ME3: variants seen among roughly 807,000 people sequenced by gnomAD.
The protein encoded by ME3 is NADP-dependent malic enzyme, mitochondrial.
In ME3, 48 loss-of-function variants were observed where a neutral mutation model predicts 68.9. The observed-to-expected ratio is 0.70, with a 90% CI of 0.55 to 0.89. ME3 has a LOEUF of 0.89. Ranked by LOEUF, ME3 falls within the 40% of genes least tolerant of loss-of-function variation. ME3 has a pLI of 0.00. For missense variants in ME3, 675 were observed against 797.4 expected (o/e 0.85, Z 1.85); for synonymous variants, 320 against 318.8 (o/e 1.00, Z -0.04).
intron 14 of ME3, 140 bp downstream of exon 14, chr11:86,442,681 C>T (rs1949066356): frequency 1.6e-6 from 1 of 635,666 alleles, no homozygotes; most frequent in Non-Finnish European, 2.6e-6. Context: ...GTTTGTCACC[C>T]AGCCTCTGGG....
At chr11:86,498,225 A>G (rs972909404) in intron 5 of ME3, 101 bp from the exon 6 acceptor site, 7 of 1,386,096 alleles carry the variant, frequency 5.1e-6, no homozygotes, top group Non-Finnish European at 6.8e-6. Context: ...CTGGATGCCC[A>G]CTGACTTTGC....
intron 10 of ME3, among the ~76,000 whole-genome samples, chr11:86,449,307 A>G (rs1350446896): frequency 1.3e-5 from 2 of 152,222 alleles, no homozygotes; most frequent in Admixed American, 1.3e-4. Flanking sequence ...TCTCTCATTC[A>G]TGCTTTCATT....
At chr11:86,484,782 A>G (rs1200581628) in intron 7 of ME3, among the ~76,000 whole-genome samples, 2 of 152,206 alleles carry the variant, frequency 1.3e-5, no homozygotes, top group Non-Finnish European at 2.9e-5. Context: ...TTGTAGAAAG[A>G]GTCTGTACTT....
intron 2 of ME3, among the ~76,000 whole-genome samples, chr11:86,570,260 A>C (rs1332793369): frequency 6.6e-6 from 1 of 152,224 alleles, no homozygotes. Context: ...CCGTGGCAGC[A>C]TAGAGGGTAG....
chr11:86,450,228 C>T, intron 9 of ME3, 73 bp downstream of exon 9: 1 of 1,420,764 alleles, frequency 7.0e-7, no homozygotes, highest in Admixed American at 1.7e-5. Context: ...AGAATGCCTC[C>T]CTTTTTTGGT....
At chr11:86,436,773 T>G (rs1320851586), downstream of ME3, 2 of 152,216 alleles carry the variant, frequency 1.3e-5, no homozygotes, top group Non-Finnish European at 1.5e-5. Flanking sequence ...TCAGCACAAT[T>G]TGTTCAAAAG....
chr11:86,450,107 T>C, intron 9 of ME3, 105 bp from the exon 10 acceptor site: 1 of 995,624 alleles, frequency 1.0e-6, no homozygotes, highest in Non-Finnish European at 1.5e-6. Flanking sequence ...CCCACCTCAA[T>C]GACTCCCAGG....
intron 2 of ME3, among the ~76,000 whole-genome samples, chr11:86,659,990 C>T (rs1946173972): frequency 6.6e-6 from 1 of 152,092 alleles, no homozygotes; most frequent in Admixed American, 6.6e-5. Context: ...CTGATGATAT[C>T]CACTATCTTC....
intron 4 of ME3, among the ~76,000 whole-genome samples, chr11:86,509,400 ACAC>A (rs1565878475): frequency 9.9e-5 from 1 of 10,078 alleles, no homozygotes; most frequent in Non-Finnish European, 2.7e-4. Flanking sequence ...CTCCATCATC[ACAC>A]ACACACACAC....
At chr11:86,449,684 C>G (rs1949526835) in intron 10 of ME3, among the ~76,000 whole-genome samples, 1 of 152,160 alleles carries the variant, frequency 6.6e-6, no homozygotes, top group Non-Finnish European at 1.5e-5. Flanking sequence ...CTAGAAGGGG[C>G]ACACATCTAC....
At chr11:86,614,681 CAT>C (rs1942832451) in intron 2 of ME3, among the ~76,000 whole-genome samples, 4 of 152,180 alleles carry the variant, frequency 2.6e-5, no homozygotes, top group Middle Eastern at 3.4e-3. Context: ...GATTTTTTTT[CAT>C]AGTCTCTCAA....
intron 2 of ME3, among the ~76,000 whole-genome samples, chr11:86,598,409 C>T (rs1959938736): frequency 6.6e-6 from 1 of 152,240 alleles, no homozygotes; most frequent in Non-Finnish European, 1.5e-5. Flanking sequence ...GGGCACCCGC[C>T]ATTGCCCAGA....
rs190203440 is a variant in ME3, at chr11:86,447,679, G to A, written c.1237+471C>T. Among the ~76,000 whole-genome samples, 381 of 152,116 alleles carry A rather than the reference G, an allele frequency of 2.5e-3. 2 individuals are homozygous for A. Among genetic ancestry groups the A allele is most frequent in the African/African-American group, 8.9e-3 (370 of 41,488 alleles). On this transcript the variant is annotated intron_variant, in intron 11 of 14. Coordinates refer to ENST00000543262, the Ensembl canonical transcript of ME3. ...TTGAGACCAGCCTGGCCAAAATGGCGAAAACCTGTCTCTACTAAAAATACA... is the reference window on the plus strand; with the variant it reads ...TTGAGACCAGCCTGGCCAAAATGGCAAAAACCTGTCTCTACTAAAAATACA...
intron 7 of ME3, among the ~76,000 whole-genome samples, chr11:86,473,430 G>A (rs111944639): frequency 1.1e-4 from 16 of 152,290 alleles, no homozygotes; most frequent in African/African-American, 3.4e-4. Context: ...CAAGAAGCTT[G>A]GCTGTGAAGT....
chr11:86,504,486 G>T (rs1434369864), intron 5 of ME3, among the ~76,000 whole-genome samples: 1 of 146,926 alleles, frequency 6.8e-6, no homozygotes, highest in African/African-American at 2.5e-5. Flanking sequence ...TGCCTCCCAG[G>T]CTCAAGTGAT....
intron 2 of ME3, among the ~76,000 whole-genome samples, chr11:86,584,454 G>C (rs868112758): frequency 1.3e-5 from 2 of 152,148 alleles, no homozygotes; most frequent in South Asian, 4.1e-4. Flanking sequence ...ATCCAGCAAT[G>C]CCACTTCTGA....
chr11:86,534,697 TAAC>T (rs947236634), intron 4 of ME3, among the ~76,000 whole-genome samples: 22 of 152,040 alleles, frequency 1.4e-4, no homozygotes, highest in African/African-American at 5.1e-4. Flanking sequence ...ATAATAATAA[TAAC>T]ACTTAGCTTA....
Position 86,616,076 on chromosome 11 carries a change from C to A in ME3, c.183+55686G>T, listed in dbSNP as rs369197615. 2.2e-4 allele frequency among the ~76,000 whole-genome samples: 33 copies of A among 152,256 alleles called. No individual in the cohort carries two copies. The East Asian group carries it at 4.0e-3, about 19-fold the overall frequency. On this transcript the variant is annotated intron_variant, in intron 2 of 14. Coordinates refer to ENST00000543262, the Ensembl canonical transcript of ME3. The stretch of plus-strand genomic sequence containing the variant: ...ATATATTGTTAGTTGTGACTATAAA[C>A]AAAAAGCAATGTTATATCCTGCTTT...
At chr11:86,538,478 T>G (rs1193083182) in intron 4 of ME3, among the ~76,000 whole-genome samples, 1 of 152,110 alleles carries the variant, frequency 6.6e-6, no homozygotes, top group African/African-American at 2.4e-5. Flanking sequence ...ATTGTTCCAT[T>G]TCTGGAGCCC....
Sources: gnomAD v4.1 joint callset for allele counts (sites outside exome capture counted in the v4.1 genomes callset) on GRCh38, gnomAD v4.1.1 for gene constraint, MANE v1.5 for transcripts, NCBI Gene and HGNC (gene_info 2026-07-23, HGNC 2026-07-21) for gene names.